CNTN4: variants seen among roughly 807,000 people sequenced by gnomAD.
The protein encoded by CNTN4 is contactin 4, also known as contactin-4.
Under a neutral mutation model 122.5 loss-of-function variants are expected in CNTN4, and 77 were observed. The ratio of observed to expected loss-of-function variants is 0.63; its 90% CI spans 0.52 to 0.76. The LOEUF is 0.76. Ranked by LOEUF, CNTN4 falls within the 30% of genes least tolerant of loss-of-function variation. The pLI is 0.00. For missense variants in CNTN4, 1,256 were observed against 1,259.1 expected (o/e 1.00, Z 0.04); for synonymous variants, 512 against 447.0 (o/e 1.15, Z -1.83).
chr3:2,418,827 G>T lies in CNTN4; in HGVS notation c.-89+79594G>T, dbSNP rs148752523. ...CATGTTGGCTTGCATTGTGAAAGAA[G>T]GGAATAATTTACAGTTCATGATATT... On this transcript the variant is annotated intron_variant, in intron 3 of 24. Transcript: ENST00000418658. Among the ~76,000 whole-genome samples, 231 of 152,230 alleles carry T rather than the reference G, an allele frequency of 1.5e-3. 1 individual carries two copies. Among genetic ancestry groups the T allele is most frequent in the African/African-American group, 5.1e-3 (212 of 41,546 alleles).
chr3:2,179,410 C>A (rs1295271014), intron 2 of CNTN4, among the ~76,000 whole-genome samples: 1 of 151,950 alleles, frequency 6.6e-6, no homozygotes, highest in Non-Finnish European at 1.5e-5. Context: ...ACTTAGATTT[C>A]ATTAATACAA....
intron 2 of CNTN4, among the ~76,000 whole-genome samples, chr3:2,242,494 A>G (rs1202501189): frequency 6.6e-6 from 1 of 152,176 alleles, no homozygotes; most frequent in Non-Finnish European, 1.5e-5. Context: ...GGTTTGTTAC[A>G]TAGGTAAATG....
At chr3:2,283,734 T>C (rs1481920373) in intron 2 of CNTN4, among the ~76,000 whole-genome samples, 2 of 152,138 alleles carry the variant, frequency 1.3e-5, no homozygotes, top group African/African-American at 4.8e-5. Flanking sequence ...CAATTTTGCA[T>C]TGAGCACCAT....
chr3:2,460,023 A>AC (rs1394225167), intron 3 of CNTN4, among the ~76,000 whole-genome samples: 3 of 152,064 alleles, frequency 2.0e-5, no homozygotes, highest in African/African-American at 7.2e-5. Context: ...CAGAGTTGTT[A>AC]CATGAGTTGC....
intron 2 of CNTN4, among the ~76,000 whole-genome samples, chr3:2,318,443 A>G (rs970231685): frequency 2.0e-5 from 3 of 152,126 alleles, no homozygotes; most frequent in Admixed American, 2.0e-4. Context: ...ACACATCAGG[A>G]TTCCTTTCTC....
intron 7 of CNTN4, among the ~76,000 whole-genome samples, chr3:2,823,847 C>T (rs908548034): frequency 5.3e-5 from 8 of 152,136 alleles, no homozygotes; most frequent in African/African-American, 1.9e-4. Context: ...ATGCTTGCGA[C>T]TCAAAGGGTG....
rs138201722 is a variant in CNTN4 at position 2,713,360 on chromosome 3, T to G, written c.56-22855T>G. On this transcript the variant is annotated intron_variant, in intron 4 of 24. Transcript: ENST00000418658. ...AAGCAGAGGGAAAATTGTTTCAGTT[T>G]TTTCTAAACACAAGGAAAACTATTT... is the stretch of plus-strand genomic sequence containing the variant. Among the ~76,000 whole-genome samples the G allele has an allele frequency of 4.6e-3, 695 of 152,274 alleles. 5 individuals carry two copies. Among genetic ancestry groups the G allele is most frequent in the African/African-American group, 0.016 (666 of 41,542 alleles).
At chr3:2,413,470 G>A (rs2047301288) in intron 3 of CNTN4, among the ~76,000 whole-genome samples, 1 of 152,092 alleles carries the variant, frequency 6.6e-6, no homozygotes, top group African/African-American at 2.4e-5. Context: ...GGTGTGTCAT[G>A]CTAAATTCTT....
chr3:2,210,275 A>G (rs910029544), intron 2 of CNTN4, among the ~76,000 whole-genome samples: 2 of 152,196 alleles, frequency 1.3e-5, no homozygotes, highest in East Asian at 1.9e-4. Context: ...AAAATACATA[A>G]AAGTATATGC....
At position 2,928,050 on chromosome 3, in the gene CNTN4, G is replaced by T. The variant is rs181882465; in HGVS notation, c.1358+2271G>T. ...GGGAATGCTGGGGACTTCAGTGTTT[G>T]CCCCATCCAAGGGAGACACCTGCCA... On this transcript the variant is annotated intron_variant, in intron 13 of 24. Coordinates refer to ENST00000418658, the MANE Select transcript of CNTN4 (RefSeq NM_175607.3). Among the ~76,000 whole-genome samples, 16 of 152,318 alleles carry T rather than the reference G, an allele frequency of 1.1e-4. 1 individual carries two copies. The East Asian group carries it at 3.1e-3, about 29-fold the overall frequency.
chr3:2,863,810 A>G (rs559761474), intron 7 of CNTN4, among the ~76,000 whole-genome samples: 2 of 152,276 alleles, frequency 1.3e-5, no homozygotes, highest in Admixed American at 6.5e-5. Context: ...AAAAAAGTTG[A>G]AACTCCGTTT....
chr3:2,218,898 A>G (rs766510917), intron 2 of CNTN4, among the ~76,000 whole-genome samples: 5 of 152,120 alleles, frequency 3.3e-5, no homozygotes, highest in South Asian at 2.1e-4. Context: ...CTTCCTTTCT[A>G]TATTTAGGAA....
chr3:2,259,191 G>T (rs942052205), intron 2 of CNTN4, among the ~76,000 whole-genome samples: 1 of 151,896 alleles, frequency 6.6e-6, no homozygotes, highest in African/African-American at 2.4e-5. Flanking sequence ...TTGCTCATAA[G>T]CCTAGGTTTT....
chr3:2,607,142 T>A (rs957285721), intron 4 of CNTN4, among the ~76,000 whole-genome samples: 1 of 152,216 alleles, frequency 6.6e-6, no homozygotes, highest in Non-Finnish European at 1.5e-5. Context: ...TTTTGGCATC[T>A]GGTTCAAACT....
At chr3:2,225,180 G>A (rs1187060163) in intron 2 of CNTN4, among the ~76,000 whole-genome samples, 2 of 150,254 alleles carry the variant, frequency 1.3e-5, no homozygotes, top group South Asian at 2.1e-4. Flanking sequence ...GAAGTAATAA[G>A]GTTTGAATTT....
At chr3:2,287,795 AGGGGAAGGTGAGGAG>A (rs2041997350) in intron 2 of CNTN4, among the ~76,000 whole-genome samples, 1 of 150,694 alleles carries the variant, frequency 6.6e-6, no homozygotes, top group Admixed American at 6.6e-5. Flanking sequence ...AAGAGGAGGA[AGGGGAAGGTGAGGAG>A]GAAGAGGAAG....
chr3:2,574,805 TGCCCG>T (rs1375409168), intron 4 of CNTN4, among the ~76,000 whole-genome samples: 1 of 152,114 alleles, frequency 6.6e-6, no homozygotes, highest in Admixed American at 6.5e-5. Flanking sequence ...TATTAATCTG[TGCCCG>T]GCTCTACTCC....
At chr3:2,900,942 A>G in intron 11 of CNTN4, 121 bp downstream of exon 11, 3 of 1,291,472 alleles carry the variant, frequency 2.3e-6, no homozygotes, top group Non-Finnish European at 3.3e-6. Context: ...AAACAGCATT[A>G]TGGTGGAAAA....
In CNTN4 at chr3:2,170,259, G is replaced by A. The variant is rs1387724043; in HGVS notation, c.-145+69620G>A. Among the ~76,000 whole-genome samples, 5 of 152,048 alleles carry A rather than the reference G, an allele frequency of 3.3e-5. No individual in the cohort carries two copies. The South Asian group carries it at 1.0e-3, about 32-fold the overall frequency. ...GGCGGGAACCCGGGAGGCGGAGCTT[G>A]CAGTGAGCCGAGATCGCGCCACCGC... On this transcript the variant is annotated intron_variant, in intron 2 of 24. Coordinates refer to ENST00000418658, the MANE Select transcript of CNTN4 (RefSeq NM_175607.3).
Sources: allele counts gnomAD v4.1 joint callset (sites outside exome capture counted in the v4.1 genomes callset), GRCh38; gene constraint gnomAD v4.1.1; transcripts MANE v1.5; gene names NCBI Gene and HGNC (gene_info 2026-07-23, HGNC 2026-07-21).